SLC38A4: variants seen among roughly 807,000 people sequenced by gnomAD.
SLC38A4 encodes sodium-coupled neutral amino acid transporter 4.
SLC38A4 carries 20 observed loss-of-function variants against 63.1 expected under a neutral mutation model. That is an observed-to-expected ratio of 0.32 (90% CI 0.22 to 0.46). SLC38A4 has a LOEUF of 0.46. SLC38A4 is among the 20% of genes least tolerant of loss of function. The pLI is 1.00. For missense variants in SLC38A4, 526 were observed against 663.6 expected (o/e 0.79, Z 2.28); for synonymous variants, 230 against 225.5 (o/e 1.02, Z -0.18).
At chr12:46,785,257 T>A (rs1938734354) in intron 5 of SLC38A4, 80 bp from the exon 6 acceptor site, 4 of 1,121,216 alleles carry the variant, frequency 3.6e-6, no homozygotes, top group Non-Finnish European at 4.0e-6. Context: ...CAATAAAGGA[T>A]CACATTAATC....
intron 14 of SLC38A4, among the ~76,000 whole-genome samples, chr12:46,771,239 G>C (rs1938409435): frequency 6.6e-6 from 1 of 152,080 alleles, no homozygotes; most frequent in South Asian, 2.1e-4. Flanking sequence ...TGTCAAAACT[G>C]GTCCAATTAG....
intron 14 of SLC38A4, among the ~76,000 whole-genome samples, chr12:46,774,283 G>A (rs759533749): frequency 3.7e-4 from 56 of 152,044 alleles, no homozygotes; most frequent in Non-Finnish European, 6.0e-4. Context: ...TGGTTACTGT[G>A]TCACTTATTT....
intron 1 of SLC38A4, among the ~76,000 whole-genome samples, chr12:46,804,223 G>C (rs1939186168): frequency 6.6e-6 from 1 of 151,812 alleles, no homozygotes; most frequent in South Asian, 2.1e-4. Flanking sequence ...GAAATCACAG[G>C]CCAATATCAG....
Position 46,792,552 on chromosome 12 carries a change from G to A in SLC38A4, c.119+401C>T, listed in dbSNP as rs151021639. Reference sequence around the variant, plus strand: ...TCAGTAGAGAAACTTAACAGGCTGGGTATATGGCATATATTTGGAGGGTGA... The same window carrying A: ...TCAGTAGAGAAACTTAACAGGCTGGATATATGGCATATATTTGGAGGGTGA... On this transcript the variant is annotated intron_variant, in intron 3 of 16. Transcript: ENST00000266579. 1.6e-4 allele frequency among the ~76,000 whole-genome samples: 24 copies of A among 152,174 alleles called. 1 individual carries two copies. The East Asian group carries it at 4.5e-3, about 28-fold the overall frequency.
chr12:46,795,927 A>C (rs1938993842), intron 2 of SLC38A4, among the ~76,000 whole-genome samples: 1 of 150,282 alleles, frequency 6.7e-6, no homozygotes, highest in South Asian at 2.1e-4. Context: ...GCCCAATCAA[A>C]AGGCTTGTCT....
At chr12:46,808,715 A>G (rs1166265956) in intron 1 of SLC38A4, among the ~76,000 whole-genome samples, 1 of 152,068 alleles carries the variant, frequency 6.6e-6, no homozygotes, top group Non-Finnish European at 1.5e-5. Context: ...TATAGGACTT[A>G]TGGGTGATTA....
chr12:46,800,371 C>T (rs1447526570), intron 2 of SLC38A4, among the ~76,000 whole-genome samples: 1 of 152,048 alleles, frequency 6.6e-6, no homozygotes. Context: ...TACTTTGACC[C>T]AGACATAGCT....
At chr12:46,783,982 T>A (rs1434582515) in intron 7 of SLC38A4, among the ~76,000 whole-genome samples, 2 of 152,014 alleles carry the variant, frequency 1.3e-5, no homozygotes, top group Non-Finnish European at 2.9e-5. Context: ...CTGGAAATGA[T>A]AATTCAGTGG....
intron 7 of SLC38A4, 91 bp from the exon 8 acceptor site, chr12:46,780,121 A>T: frequency 1.1e-6 from 1 of 951,556 alleles, no homozygotes; most frequent in South Asian, 1.4e-5. Flanking sequence ...TAAGATGAAC[A>T]TCTAATCCCC....
chr12:46,809,264 G>C (rs1939294602), intron 1 of SLC38A4, among the ~76,000 whole-genome samples: 2 of 152,018 alleles, frequency 1.3e-5, no homozygotes, highest in East Asian at 3.9e-4. Flanking sequence ...CTAAAGATAT[G>C]TTCAGGCTGG....
chr12:46,805,798 T>G (rs1237686771), intron 1 of SLC38A4, among the ~76,000 whole-genome samples: 9 of 152,006 alleles, frequency 5.9e-5, no homozygotes, highest in Non-Finnish European at 1.3e-4. Context: ...AGTCTGGGAA[T>G]GAGATGACAA....
At chr12:46,782,082 A>T (rs1011051024) in intron 7 of SLC38A4, among the ~76,000 whole-genome samples, 1 of 152,006 alleles carries the variant, frequency 6.6e-6, no homozygotes, top group African/African-American at 2.4e-5. Context: ...AACATATAAA[A>T]ATTTTTTTAA....
chr12:46,778,193 G>A, intron 12 of SLC38A4, 96 bp downstream of exon 12: 1 of 1,196,870 alleles, frequency 8.4e-7, no homozygotes, highest in South Asian at 1.3e-5. Context: ...TTTCTCTGAA[G>A]AGGAAGCTAT....
At position 46,780,710 on chromosome 12, in the gene SLC38A4, T is replaced by A. The variant is rs183167769; in HGVS notation, c.494-680A>T. 2.9e-3 allele frequency among the ~76,000 whole-genome samples: 435 copies of A among 152,098 alleles called. 1 individual carries two copies. The highest frequency in any genetic ancestry group is 3.7e-3 in the Non-Finnish European group (252 of 67,944). Reference sequence around the variant, plus strand: ...TCTAGGTAAGTGATACATGAATGATTATCTACTCTTGTGAAAGATTTCTTG... The same window carrying A: ...TCTAGGTAAGTGATACATGAATGATAATCTACTCTTGTGAAAGATTTCTTG... On this transcript the variant is annotated intron_variant, in intron 7 of 16. Coordinates refer to ENST00000266579, the MANE Select transcript of SLC38A4 (RefSeq NM_018018.5).
At chr12:46,783,064 G>A (rs1220873919) in intron 7 of SLC38A4, among the ~76,000 whole-genome samples, 2 of 146,892 alleles carry the variant, frequency 1.4e-5, no homozygotes, top group East Asian at 4.0e-4. Flanking sequence ...GTGTGTTAGG[G>A]TTGGAGGACT....
rs956787200 is a variant in SLC38A4, at chr12:46,774,512, G to A, written c.1299+537C>T. ...TCTGGCAGAGGCCATGTGTGAGAGA[G>A]ATATGTGATAGATAGCATAACTGTT... On this transcript the variant is annotated intron_variant, in intron 14 of 16. Coordinates refer to ENST00000266579, the MANE Select transcript of SLC38A4 (RefSeq NM_018018.5). Among the ~76,000 whole-genome samples the A allele has an allele frequency of 2.6e-5, 4 of 152,158 alleles. No homozygotes were observed. The East Asian group carries it at 7.8e-4, about 29-fold the overall frequency.
Position 46,821,177 on chromosome 12 carries a change from G to A in SLC38A4, c.-305+4726C>T, listed in dbSNP as rs527950956. 5.9e-5 allele frequency among the ~76,000 whole-genome samples: 9 copies of A among 152,024 alleles called. No individual in the cohort carries two copies. The East Asian group carries it at 1.2e-3, about 20-fold the overall frequency. ...GCCTTTTAGTTTGATGTAGTACTGC[G>A]TGTCTATTTTTGCTTTTTTGCCTGT... is the stretch of plus-strand genomic sequence containing the variant. On this transcript the variant is annotated intron_variant, in intron 1 of 16. Coordinates refer to ENST00000266579, the MANE Select transcript of SLC38A4 (RefSeq NM_018018.5).
At chr12:46,814,877 T>C (rs939386780) in intron 1 of SLC38A4, among the ~76,000 whole-genome samples, 7 of 151,876 alleles carry the variant, frequency 4.6e-5, no homozygotes, top group African/African-American at 1.7e-4. Flanking sequence ...CTCATTAATT[T>C]GAGGTTAACC....
intron 2 of SLC38A4, among the ~76,000 whole-genome samples, chr12:46,794,840 T>TA (rs1565671352): frequency 1.3e-5 from 2 of 151,902 alleles, no homozygotes; most frequent in African/African-American, 2.4e-5. Flanking sequence ...TCTCAGAATT[T>TA]AAAAAAATAG....
Sources: allele counts gnomAD v4.1 joint callset (sites outside exome capture counted in the v4.1 genomes callset), GRCh38; gene constraint gnomAD v4.1.1; transcripts MANE v1.5; gene names NCBI Gene and HGNC (gene_info 2026-07-23, HGNC 2026-07-21).